STPG1: variants seen among roughly 807,000 people sequenced by gnomAD.
STPG1 encodes the protein O(6)-methylguanine-induced apoptosis 2.
Under a neutral mutation model 40.1 loss-of-function variants are expected in STPG1, and 33 were observed. The ratio of observed to expected loss-of-function variants is 0.82; its 90% CI spans 0.62 to 1.10. The LOEUF is 1.10. Ranked by LOEUF, STPG1 falls within the 50% of genes least tolerant of loss-of-function variation. STPG1 has a pLI of 0.00. For missense variants in STPG1, 396 were observed against 415.1 expected (o/e 0.95, Z 0.40); for synonymous variants, 150 against 155.0 (o/e 0.97, Z 0.24).
At chr1:24,366,768 G>C (rs994283045) in intron 7 of STPG1, among the ~76,000 whole-genome samples, 4 of 152,130 alleles carry the variant, frequency 2.6e-5, no homozygotes, top group African/African-American at 9.7e-5. Context: ...GACCCAGAGA[G>C]GTGCCCAGAG....
intron 4 of STPG1, among the ~76,000 whole-genome samples, chr1:24,380,568 C>G (rs7545048): frequency 8.1e-4 from 124 of 152,180 alleles, no homozygotes; most frequent in Non-Finnish European, 1.3e-3. Flanking sequence ...GAGAACATTG[C>G]CCTGGATTTT....
intron 1 of STPG1, among the ~76,000 whole-genome samples, chr1:24,411,355 C>T (rs922452295): frequency 6.6e-6 from 1 of 152,200 alleles, no homozygotes; most frequent in Admixed American, 6.5e-5. Flanking sequence ...CACTCCTTAA[C>T]CTCTATAATA....
chr1:24,381,008 G>A (rs1298705042), intron 4 of STPG1, among the ~76,000 whole-genome samples: 1 of 152,138 alleles, frequency 6.6e-6, no homozygotes, highest in African/African-American at 2.4e-5. Flanking sequence ...ACCTTTGGTG[G>A]GTTTTTGTGT....
intron 4 of STPG1, among the ~76,000 whole-genome samples, chr1:24,380,612 C>T (rs1570035385): frequency 6.6e-6 from 1 of 152,170 alleles, no homozygotes. Flanking sequence ...TACACAAACA[C>T]AGAAAGTGGG....
chr1:24,386,053 G>C lies in STPG1; in HGVS notation c.190-2050C>G, dbSNP rs537358231. ...CTGAGCACTCATATGTGTCTGAGGA[G>C]CTAGGGGTTCCAGACAAAATGCAAG... On this transcript the variant is annotated intron_variant, in intron 3 of 8. Transcript: ENST00000337248. Among the ~76,000 whole-genome samples, 4 of 152,362 alleles carry C rather than the reference G, an allele frequency of 2.6e-5. No homozygotes were observed. In the South Asian group the frequency reaches 8.3e-4, roughly 32 times the overall value.
chr1:24,389,075 A>G (rs1309497088), intron 3 of STPG1, among the ~76,000 whole-genome samples: 1 of 152,210 alleles, frequency 6.6e-6, no homozygotes, highest in East Asian at 1.9e-4. Flanking sequence ...AAGTAACACG[A>G]CCACATTTAA....
At chr1:24,393,323 A>G (rs548715509) in intron 2 of STPG1, among the ~76,000 whole-genome samples, 61 of 152,352 alleles carry the variant, frequency 4.0e-4, no homozygotes, top group Non-Finnish European at 7.8e-4. Context: ...GGATACCAAT[A>G]TACAGTAAAT....
chr1:24,384,421 C>T (rs1314176934), intron 3 of STPG1, among the ~76,000 whole-genome samples: 3 of 152,218 alleles, frequency 2.0e-5, no homozygotes, highest in Non-Finnish European at 4.4e-5. Context: ...CCACCTGACT[C>T]AGCTTCCTCC....
chr1:24,391,524 G>T, intron 3 of STPG1, 37 bp downstream of exon 3: 1 of 1,320,192 alleles, frequency 7.6e-7, no homozygotes, highest in South Asian at 1.3e-5. Flanking sequence ...CTAAAATCCA[G>T]ACTAAAACGA....
intron 7 of STPG1, 84 bp from the exon 8 acceptor site, chr1:24,361,125 C>T: frequency 2.4e-6 from 3 of 1,243,592 alleles, no homozygotes; most frequent in Non-Finnish European, 3.3e-6. Flanking sequence ...AAGACCTGCA[C>T]AGCAGCAAGC....
chr1:24,371,664 A>C (rs1222339226), intron 6 of STPG1, among the ~76,000 whole-genome samples: 1 of 152,100 alleles, frequency 6.6e-6, no homozygotes, highest in East Asian at 1.9e-4. Context: ...CATTTACAAT[A>C]CTGGATAACT....
intron 2 of STPG1, among the ~76,000 whole-genome samples, chr1:24,397,980 CAT>C (rs1269753499): frequency 6.6e-6 from 1 of 152,068 alleles, no homozygotes; most frequent in Non-Finnish European, 1.5e-5. Context: ...ATGACTAGAT[CAT>C]ATGTTTAACT....
chr1:24,358,689 C>T, intron 8 of STPG1, 70 bp from the exon 9 acceptor site: 1 of 1,285,512 alleles, frequency 7.8e-7, no homozygotes, highest in Non-Finnish European at 1.1e-6. Flanking sequence ...TGGCATTCTA[C>T]CTCAGAGCTG....
rs867169628 is a variant in STPG1, at chr1:24,399,347, G to T, written c.70+1972C>A. 2.6e-5 allele frequency among the ~76,000 whole-genome samples: 4 copies of T among 152,244 alleles called. No individual in the cohort carries two copies. Among genetic ancestry groups the T allele is most frequent in the Non-Finnish European group, 2.9e-5 (2 of 67,992 alleles). ...GAGAATGAGCAGCCTTTCAATAAAT[G>T]GTGCTGGGTCAACATGGAAAACAAC... On this transcript the variant is annotated intron_variant, in intron 2 of 8. Coordinates refer to ENST00000337248, the MANE Select transcript of STPG1 (RefSeq NM_001199013.2). The surrounding 1 kb of genome is among the most constrained non-coding windows in gnomAD (Gnocchi z 4.0).
chr1:24,373,644 A>T, intron 6 of STPG1, 58 bp downstream of exon 6: 1 of 1,211,928 alleles, frequency 8.3e-7, no homozygotes, highest in Non-Finnish European at 1.2e-6. Context: ...GGTGCCCTGC[A>T]AATCAAATCT....
At chr1:24,410,324 T>G (rs1643567652) in intron 1 of STPG1, among the ~76,000 whole-genome samples, 1 of 152,078 alleles carries the variant, frequency 6.6e-6, no homozygotes, top group Non-Finnish European at 1.5e-5. Flanking sequence ...CAATCTGCAA[T>G]CCATGGCCGA....
At chr1:24,364,308 C>A in intron 7 of STPG1, 1 of 1,549,862 alleles carries the variant, frequency 6.5e-7, no homozygotes, top group Non-Finnish European at 8.7e-7. Context: ...GGCAGAGGGA[C>A]CTGGATTCAA....
chr1:24,366,812 T>C (rs1442946671), intron 7 of STPG1, among the ~76,000 whole-genome samples: 1 of 152,096 alleles, frequency 6.6e-6, no homozygotes, highest in African/African-American at 2.4e-5. Context: ...TATACAAATG[T>C]CGTGCTATAG....
At chr1:24,387,867 T>C (rs1642583109) in intron 3 of STPG1, among the ~76,000 whole-genome samples, 1 of 152,148 alleles carries the variant, frequency 6.6e-6, no homozygotes, top group Non-Finnish European at 1.5e-5. Context: ...GCTGTCCCCT[T>C]GAACATGGTG....
Sources: gnomAD v4.1 joint callset for allele counts (sites outside exome capture counted in the v4.1 genomes callset) on GRCh38, gnomAD v4.1.1 for gene constraint, Gnocchi (gnomAD v3.1) non-coding constraint, MANE v1.5 for transcripts, NCBI Gene and HGNC (gene_info 2026-07-23, HGNC 2026-07-21) for gene names.